The following GRID2 variants were observed in gnomAD, a reference collection of about 807,000 sequenced individuals.
The protein encoded by GRID2 is glutamate ionotropic receptor delta type subunit 2, also known as glutamate receptor ionotropic, delta-2.
GRID2 carries 33 observed loss-of-function variants against 114.8 expected under a neutral mutation model. The observed-to-expected ratio is 0.29, with a 90% confidence interval of 0.22 to 0.38. GRID2 has a LOEUF of 0.38. Ranked by LOEUF, GRID2 falls within the 10% of genes least tolerant of loss-of-function variation. GRID2 has a pLI of 1.00. For missense variants in GRID2, 1,184 were observed against 1,257.7 expected (o/e 0.94, Z 0.89); for synonymous variants, 505 against 449.9 (o/e 1.12, Z -1.55).
chr4:93,276,098 G>A (rs1460476131), intron 8 of GRID2, among the ~76,000 whole-genome samples: 10 of 151,706 alleles, frequency 6.6e-5, no homozygotes, highest in Admixed American at 6.6e-4. Context: ...TTACATTTAG[G>A]TCTATGATAT....
At chr4:92,460,041 T>TATATAC in intron 1 of GRID2, among the ~76,000 whole-genome samples, 1 of 111,824 alleles carries the variant, frequency 8.9e-6, no homozygotes, top group Admixed American at 9.9e-5. Context: ...ACTATATATA[T>TATATAC]ATATATATAT....
intron 2 of GRID2, among the ~76,000 whole-genome samples, chr4:92,697,755 G>A (rs115877090): frequency 0.012 from 1,861 of 152,182 alleles, 41 homozygotes; most frequent in African/African-American, 0.042. Flanking sequence ...AGGTATCTGG[G>A]AAACAGCACA....
chr4:92,666,047 G>GTA (rs1732757845), intron 2 of GRID2, among the ~76,000 whole-genome samples: 1 of 151,356 alleles, frequency 6.6e-6, no homozygotes, highest in Non-Finnish European at 1.5e-5. Flanking sequence ...ACTATAATGT[G>GTA]TATATTGGTC....
At chr4:93,069,841 C>T (rs1180506219) in intron 2 of GRID2, among the ~76,000 whole-genome samples, 5 of 152,030 alleles carry the variant, frequency 3.3e-5, no homozygotes, top group Admixed American at 1.3e-4. Flanking sequence ...ATCAAGATTC[C>T]TCACTTACAC....
intron 2 of GRID2, among the ~76,000 whole-genome samples, chr4:93,056,380 A>G (rs1727245975): frequency 6.6e-6 from 1 of 151,874 alleles, no homozygotes; most frequent in Non-Finnish European, 1.5e-5. Context: ...CTCAAAGGAA[A>G]TAATAGTGAT....
intron 8 of GRID2, among the ~76,000 whole-genome samples, chr4:93,294,848 C>T (rs552748707): frequency 2.6e-5 from 4 of 152,306 alleles, no homozygotes; most frequent in African/African-American, 9.6e-5. Flanking sequence ...GCATGAGCCA[C>T]CGTGCCCAGT....
chr4:93,404,749 A>G (rs1766244178), intron 9 of GRID2, among the ~76,000 whole-genome samples: 1 of 152,140 alleles, frequency 6.6e-6, no homozygotes, highest in South Asian at 2.1e-4. Context: ...ATTTAAATTC[A>G]TCTTGAAAGA....
chr4:92,424,650 T>C (rs1028824460), intron 1 of GRID2, among the ~76,000 whole-genome samples: 4 of 151,150 alleles, frequency 2.6e-5, no homozygotes, highest in African/African-American at 9.7e-5. Context: ...ATATGAGAAA[T>C]AAAAATCTCA....
At chr4:93,191,743 C>T (rs1244119488) in intron 4 of GRID2, among the ~76,000 whole-genome samples, 1 of 152,070 alleles carries the variant, frequency 6.6e-6, no homozygotes, top group East Asian at 1.9e-4. Flanking sequence ...ATCTGCCCTG[C>T]CATATCAATT....
intron 4 of GRID2, among the ~76,000 whole-genome samples, chr4:93,200,434 C>G (rs910371956): frequency 7.9e-5 from 12 of 151,894 alleles, no homozygotes; most frequent in African/African-American, 2.9e-4. Flanking sequence ...GGCGTGGTAG[C>G]GGGCGCCTGT....
At chr4:93,084,708 C>T (rs376643049) in intron 2 of GRID2, among the ~76,000 whole-genome samples, 8 of 152,146 alleles carry the variant, frequency 5.3e-5, no homozygotes, top group Admixed American at 4.6e-4. Flanking sequence ...CTAATCCTTG[C>T]AATAATCCTG....
chr4:93,508,843 A>G (rs1222340749), intron 12 of GRID2, among the ~76,000 whole-genome samples: 1 of 152,230 alleles, frequency 6.6e-6, no homozygotes, highest in African/African-American at 2.4e-5. Flanking sequence ...AGAGCACTGA[A>G]GAGACAGTGA....
intron 1 of GRID2, among the ~76,000 whole-genome samples, chr4:92,329,248 GA>G (rs1726754199): frequency 1.3e-5 from 2 of 151,946 alleles, no homozygotes; most frequent in Non-Finnish European, 2.9e-5. Flanking sequence ...GATCCTCTAG[GA>G]AGCTGATAGT....
intron 1 of GRID2, among the ~76,000 whole-genome samples, chr4:93,802,128 C>T (rs950801774): frequency 6.6e-5 from 10 of 152,110 alleles, no homozygotes; most frequent in South Asian, 2.1e-4. Context: ...TGCCGCAGGG[C>T]GTGCCCTGAA....
intron 2 of GRID2, among the ~76,000 whole-genome samples, chr4:93,002,146 G>A (rs1721054227): frequency 6.6e-6 from 1 of 151,454 alleles, no homozygotes; most frequent in Admixed American, 6.6e-5. Flanking sequence ...GTATGGAAGA[G>A]TGACTATTTT....
chr4:92,826,851 T>C (rs1045497285), intron 2 of GRID2, among the ~76,000 whole-genome samples: 8 of 152,112 alleles, frequency 5.3e-5, no homozygotes, highest in African/African-American at 1.9e-4. Context: ...TTTTATAGAC[T>C]GGTAATTGGT....
In GRID2 at chr4:93,613,789, C is replaced by T. The variant is rs181291679; in HGVS notation, c.2194-12480C>T. On this transcript the variant is annotated intron_variant, in intron 13 of 15. Coordinates refer to ENST00000282020, the MANE Select transcript of GRID2 (RefSeq NM_001510.4). ...TGTTTGTGTGTGCCCTGCCCCAAGA[C>T]GTGGAGCCTACAGAGGCAGGCAGGC... Among the ~76,000 whole-genome samples, 611 of 151,266 alleles carry T rather than the reference C, an allele frequency of 4.0e-3. 4 individuals are homozygous for T. Among genetic ancestry groups the T allele is most frequent in the Middle Eastern group, 0.021 (6 of 290 alleles).
At chr4:93,621,987 A>G (rs1284366622) in intron 13 of GRID2, among the ~76,000 whole-genome samples, 1 of 152,220 alleles carries the variant, frequency 6.6e-6, no homozygotes, top group Non-Finnish European at 1.5e-5. Context: ...CAGCAAAGCA[A>G]TATGTCGCCT....
chr4:92,835,191 TAAAA>T (rs33949803), intron 2 of GRID2, among the ~76,000 whole-genome samples: 2 of 146,904 alleles, frequency 1.4e-5, no homozygotes, highest in Admixed American at 6.8e-5. Context: ...CTGAAAGAGG[TAAAA>T]AAAAAAAAGG....
Sources: gnomAD v4.1 joint callset for allele counts (sites outside exome capture counted in the v4.1 genomes callset) on GRCh38, gnomAD v4.1.1 for gene constraint, MANE v1.5 for transcripts, NCBI Gene and HGNC (gene_info 2026-07-23, HGNC 2026-07-21) for gene names.